The following BMPR2 variants were observed in gnomAD, a reference collection of about 807,000 sequenced individuals.
The protein encoded by BMPR2 is bone morphogenetic protein receptor type 2, also known as bone morphogenetic protein receptor type-2.
BMPR2 carries 29 observed loss-of-function variants against 100.8 expected under a neutral mutation model. The ratio of observed to expected loss-of-function variants is 0.29; its 90% CI spans 0.21 to 0.39. BMPR2 has a LOEUF of 0.39. Among genes scored for constraint, BMPR2 ranks in the 10% least tolerant of loss-of-function variants. The probability of loss-of-function intolerance (pLI) is 1.00; values close to 1 mark genes in which losing one functional copy is unlikely to be tolerated. For synonymous variants in BMPR2, 382 were observed against 442.3 expected (o/e 0.86, Z 1.71); for missense variants, 1,011 against 1,274.5 (o/e 0.79, Z 3.15).
chr2:202,537,306 A>C lies in BMPR2; in HGVS notation c.1276+4574A>C, dbSNP rs141669824. Among the ~76,000 whole-genome samples the C allele has an allele frequency of 4.5e-3, 687 of 152,318 alleles. 8 individuals are homozygous for C. Among genetic ancestry groups the C allele is most frequent in the African/African-American group, 0.016 (654 of 41,568 alleles). On this transcript the variant is annotated intron_variant, in intron 9 of 12. Coordinates refer to ENST00000374580, the MANE Select transcript of BMPR2 (RefSeq NM_001204.7). ...CATGTCTGACTGAAATGATTTTTTC[A>C]TCAGATTAGTACACTGCTACAAACA...
intron 1 of BMPR2, among the ~76,000 whole-genome samples, chr2:202,427,870 C>T (rs1322147089): frequency 6.6e-6 from 1 of 151,916 alleles, no homozygotes; most frequent in Admixed American, 6.6e-5. Flanking sequence ...CCCAGCTATT[C>T]AGGAGGCGAG....
chr2:202,559,151 A>C (rs1186303050), intron 12 of BMPR2, among the ~76,000 whole-genome samples: 2 of 151,656 alleles, frequency 1.3e-5, no homozygotes, highest in Non-Finnish European at 2.9e-5. Context: ...AAATACAAAA[A>C]ATTAGCTGGT....
At chr2:202,471,629 A>G (rs1431995970) in intron 3 of BMPR2, among the ~76,000 whole-genome samples, 1 of 152,122 alleles carries the variant, frequency 6.6e-6, no homozygotes, top group Non-Finnish European at 1.5e-5. Flanking sequence ...GGGGGATCGC[A>G]TTTTTCAAAA....
At chr2:202,428,404 C>T (rs1236470770) in intron 1 of BMPR2, among the ~76,000 whole-genome samples, 1 of 141,644 alleles carries the variant, frequency 7.1e-6, no homozygotes, top group Non-Finnish European at 1.6e-5. Context: ...CTTTCTCTCT[C>T]TCTTTTTTTT....
At chr2:202,543,108 C>T (rs1271327725) in intron 10 of BMPR2, among the ~76,000 whole-genome samples, 1 of 142,026 alleles carries the variant, frequency 7.0e-6, no homozygotes, top group Non-Finnish European at 1.5e-5. Context: ...ACCTGGGAGG[C>T]AGAGATTGCA....
intron 1 of BMPR2, among the ~76,000 whole-genome samples, chr2:202,438,238 G>A (rs1483966677): frequency 2.7e-5 from 4 of 150,458 alleles, no homozygotes; most frequent in African/African-American, 2.5e-5. Context: ...GCTTGAACCC[G>A]GGAGGTGGAG....
chr2:202,478,638 G>A (rs550906172), intron 3 of BMPR2, among the ~76,000 whole-genome samples: 3 of 152,132 alleles, frequency 2.0e-5, no homozygotes, highest in Non-Finnish European at 4.4e-5. Context: ...GCCAGGCATG[G>A]CAGCTCACAC....
At chr2:202,412,669 T>C (rs1352623851) in intron 1 of BMPR2, among the ~76,000 whole-genome samples, 1 of 152,226 alleles carries the variant, frequency 6.6e-6, no homozygotes, top group Non-Finnish European at 1.5e-5. Context: ...CCTATATTTC[T>C]CAATAAAAAT....
intron 11 of BMPR2, 37 bp downstream of exon 11, chr2:202,552,925 A>G (rs1249470121): frequency 6.2e-7 from 1 of 1,610,496 alleles, no homozygotes; most frequent in African/African-American, 1.3e-5. Flanking sequence ...ATCAATCAGT[A>G]TTAGAAACTG....
At chr2:202,543,266 A>T (rs1267174750) in intron 10 of BMPR2, among the ~76,000 whole-genome samples, 2 of 147,686 alleles carry the variant, frequency 1.4e-5, no homozygotes, top group East Asian at 1.9e-4. Context: ...ACATATATTT[A>T]TATATATGTA....
At chr2:202,424,070 CAAAAAAA>C (rs773518674) in intron 1 of BMPR2, among the ~76,000 whole-genome samples, 1 of 58,774 alleles carries the variant, frequency 1.7e-5, no homozygotes, top group Admixed American at 2.3e-4. Flanking sequence ...AAGACTGTCT[CAAAAAAA>C]AAAAAAAAAA....
rs564587710 is a variant in BMPR2 at position 202,471,188 on chromosome 2, G to A, written c.418+3499G>A. Among the ~76,000 whole-genome samples the A allele has an allele frequency of 3.9e-5, 6 of 152,346 alleles. No individual in the cohort carries two copies. The South Asian group carries it at 1.2e-3, about 32-fold the overall frequency. On this transcript the variant is annotated intron_variant, in intron 3 of 12. Coordinates refer to ENST00000374580, the MANE Select transcript of BMPR2 (RefSeq NM_001204.7). ...CTGGGTCAATTTGAGTGCTAAACAAGTACATTAATGAACTGTGAACCACTG... is the reference window on the plus strand; with the variant it reads ...CTGGGTCAATTTGAGTGCTAAACAAATACATTAATGAACTGTGAACCACTG...
rs778072562 is a variant in BMPR2 at position 202,532,646 on chromosome 2, G to A, written c.1190G>A (p.Cys397Tyr). 1.2e-6 allele frequency: 2 copies of A among 1,613,868 alleles called. No individual in the cohort carries two copies. The highest frequency in any genetic ancestry group is 1.7e-6 in the Non-Finnish European group (2 of 1,179,866). Residue 397 changes from cysteine (C) to tyrosine (Y), a missense_variant, in exon 9 of 13, where the codon TGT becomes TAT. By Grantham distance (194) the Cys-to-Tyr change is radical (BLOSUM62 -2). Around this residue, in one of 6 missense-constraint regions of BMPR2, gnomAD observed 83 missense variants for 140.7 expected, o/e 0.59. Coordinates refer to ENST00000374580, the MANE Select transcript of BMPR2 (RefSeq NM_001204.7). This position sits in a 1 kb window ranked among gnomAD's most constrained non-coding sequence, Gnocchi z 4.1. ...VLEGAVNLRD[C>Y]ESALKQVDMY... is the part of the protein sequence containing the mutation. ...GAAGGAGCTGTGAACTTGAGGGACTGTGAATCAGCTTTGAAACAAGTAGAC... is the reference window on the plus strand; with the variant it reads ...GAAGGAGCTGTGAACTTGAGGGACTATGAATCAGCTTTGAAACAAGTAGAC...
intron 1 of BMPR2, among the ~76,000 whole-genome samples, chr2:202,429,271 G>T (rs1691454715): frequency 6.6e-6 from 1 of 151,942 alleles, no homozygotes; most frequent in African/African-American, 2.4e-5. Flanking sequence ...GTTCCTTGTG[G>T]CCTACAAAAT....
chr2:202,420,537 ATTTTTTTTTTT>A (rs10555458), intron 1 of BMPR2, among the ~76,000 whole-genome samples: 8 of 58,980 alleles, frequency 1.4e-4, no homozygotes, highest in South Asian at 9.1e-4. Context: ...TAGAAGCATG[ATTTTTTTTTTT>A]TTTTTTTTTT....
intron 1 of BMPR2, among the ~76,000 whole-genome samples, chr2:202,426,126 A>AT (rs1691377892): frequency 6.6e-6 from 1 of 152,230 alleles, no homozygotes; most frequent in Non-Finnish European, 1.5e-5. Flanking sequence ...ATGGTCTTAC[A>AT]TTAGCAATTA....
Position 202,464,879 on chromosome 2 carries a change from T to G in BMPR2, c.147T>G (p.Ser49Arg), listed in dbSNP as rs150080314. 300 of 1,613,450 alleles carry G rather than the reference T, an allele frequency of 1.9e-4. No homozygotes were observed. Among genetic ancestry groups the G allele is most frequent in the Non-Finnish European group, 1.8e-4 (214 of 1,179,648 alleles). ...PYQQDLGIGE[S>R]RISHENGTIL... ...AGCAAGACCTTGGGATAGGTGAGAG[T>G]AGAATCTCTCATGAAAATGGGACAA... is the stretch of plus-strand genomic sequence containing the variant. Residue 49 changes from serine (S) to arginine (R), a missense_variant, in exon 2 of 13, where the codon AGT (serine) becomes AGG (arginine). This residue lies in a region of BMPR2 where 355 missense variants were observed against 455.3 expected (regional missense o/e 0.78). Coordinates refer to ENST00000374580, the MANE Select transcript of BMPR2 (RefSeq NM_001204.7).
At chr2:202,491,984 A>G (rs767273267) in intron 3 of BMPR2, among the ~76,000 whole-genome samples, 1 of 152,222 alleles carries the variant, frequency 6.6e-6, no homozygotes, top group African/African-American at 2.4e-5. Flanking sequence ...ACAGCCCTGA[A>G]TTATTTTCAG....
At chr2:202,559,110 G>A (rs890892145) in intron 12 of BMPR2, among the ~76,000 whole-genome samples, 4 of 151,694 alleles carry the variant, frequency 2.6e-5, no homozygotes, top group South Asian at 2.1e-4. Flanking sequence ...GACCACCCTC[G>A]GCAAGATGGT....
Sources: gnomAD v4.1 joint callset for allele counts (sites outside exome capture counted in the v4.1 genomes callset) on GRCh38, gnomAD v4.1.1 for gene constraint, gnomAD v4.1.1 regional missense constraint, Gnocchi (gnomAD v3.1) non-coding constraint, MANE v1.5 for transcripts, NCBI Gene and HGNC (gene_info 2026-07-23, HGNC 2026-07-21) for gene names.